The following ADGRG7 variants were observed in gnomAD, a reference collection of about 807,000 sequenced individuals.
ADGRG7 encodes G-protein coupled receptor 128.
ADGRG7 carries 82 observed loss-of-function variants against 88.6 expected under a neutral mutation model. The ratio of observed to expected loss-of-function variants is 0.93; its 90% CI spans 0.77 to 1.11. The LOEUF (loss-of-function observed/expected upper bound fraction) is 1.11. ADGRG7 is among the 50% of genes most tolerant of loss of function. The probability of loss-of-function intolerance (pLI) is 0.00; values close to 1 mark genes in which losing one functional copy is unlikely to be tolerated. For synonymous variants in ADGRG7, 381 were observed against 345.2 expected, an observed-to-expected ratio of 1.10 and a Z score of -1.15; for missense variants, 945 against 953.4, an observed-to-expected ratio of 0.99 and a Z score of 0.12.
chr3:100,647,806 T>C (rs2149026850), intron 10 of ADGRG7, among the ~76,000 whole-genome samples: 1 of 152,334 alleles, frequency 6.6e-6, no homozygotes, highest in East Asian at 1.9e-4. Context: ...GGACTATTAA[T>C]GCTATGAATC....
At chr3:100,635,394 G>A (rs1707522357) in intron 4 of ADGRG7, 1 of 306,916 alleles carries the variant, frequency 3.3e-6, no homozygotes. Flanking sequence ...AACACACAGT[G>A]AACCAGCGCT....
At chr3:100,624,501 TA>T (rs1466119383) in intron 1 of ADGRG7, among the ~76,000 whole-genome samples, 1 of 152,230 alleles carries the variant, frequency 6.6e-6, no homozygotes, top group Non-Finnish European at 1.5e-5. Flanking sequence ...TTCATTCTGA[TA>T]ACAGTTTATT....
At chr3:100,618,413 C>T (rs1437672315) in intron 1 of ADGRG7, among the ~76,000 whole-genome samples, 12 of 152,152 alleles carry the variant, frequency 7.9e-5, no homozygotes, top group East Asian at 3.8e-4. Context: ...AGCAAGGGAT[C>T]TAGTTTCAGC....
chr3:100,680,668 G>A (rs1144109), intron 15 of ADGRG7, among the ~76,000 whole-genome samples: 138,660 of 152,134 alleles, frequency 0.91, 64,180 homozygotes, highest in Non-Finnish European at 1. Flanking sequence ...TTAACTTTTC[G>A]TTGTCAACTT....
At chr3:100,643,153 T>A in intron 6 of ADGRG7, 113 bp from the exon 7 acceptor site, 1 of 946,996 alleles carries the variant, frequency 1.1e-6, no homozygotes, top group East Asian at 2.4e-5. Context: ...GTCAATGTTG[T>A]CATGACCACA....
In ADGRG7 at chr3:100,612,847, A is replaced by G. The variant is rs1267120023; in HGVS notation, c.115+2876A>G. Among the ~76,000 whole-genome samples, 3 of 152,092 alleles carry G rather than the reference A, an allele frequency of 2.0e-5. No homozygotes were observed. In the East Asian group the frequency reaches 5.8e-4, roughly 29 times the overall value. ...ATTTCAGGACGTTGAAATATTCCCA[A>G]ACCCCAAGGTCTGACTTCATAGCAT... is the stretch of plus-strand genomic sequence containing the variant. On this transcript the variant is annotated intron_variant, in intron 1 of 15. Transcript: ENST00000273352.
intron 11 of ADGRG7, among the ~76,000 whole-genome samples, chr3:100,651,485 C>G (rs2094929337): frequency 6.7e-6 from 1 of 150,166 alleles, no homozygotes; most frequent in Non-Finnish European, 1.5e-5. Context: ...TTTCCTCTTT[C>G]ATCAATATGT....
At chr3:100,616,786 A>T (rs112946501) in intron 1 of ADGRG7, among the ~76,000 whole-genome samples, 58 of 152,278 alleles carry the variant, frequency 3.8e-4, no homozygotes, top group African/African-American at 1.4e-3. Context: ...ACACCTCTGC[A>T]CTCCAACCTG....
intron 10 of ADGRG7, among the ~76,000 whole-genome samples, chr3:100,647,664 C>T (rs1206067707): frequency 6.6e-6 from 1 of 151,936 alleles, no homozygotes; most frequent in Non-Finnish European, 1.5e-5. Flanking sequence ...AGAGGGGCTT[C>T]TTCTGTATGT....
rs773003928 is a variant in ADGRG7, at chr3:100,655,046, G to A, written c.1591G>A (p.Ala531Thr). 3.1e-6 allele frequency: 5 copies of A among 1,614,082 alleles called. No homozygotes were observed. The highest frequency in any genetic ancestry group is 1.1e-5 in the South Asian group (1 of 91,076). The change falls in exon 12 of 16, where the codon GCC (alanine) becomes ACC (threonine). Residue 531 changes from alanine to threonine, a missense_variant. Transcript: ENST00000273352. ...GAATCCCATGTGCACTGCGATTGCC[G>A]CCTTACTGCACTATTTTCTGTTAGT... ...IPNPMCTAIAALLHYFLLVTF... is the reference protein window; with the variant it reads ...IPNPMCTAIATLLHYFLLVTF...
At position 100,643,570 on chromosome 3, in the gene ADGRG7, A is replaced by G; in HGVS notation, c.883A>G (p.Asn295Asp). The G allele has an allele frequency of 6.2e-7, 1 of 1,613,966 alleles. No homozygotes were observed. Among genetic ancestry groups the G allele is most frequent in the East Asian group, 2.2e-5 (1 of 44,868 alleles). Residue 295 changes from asparagine to aspartate, a missense_variant, in exon 8 of 16, where the codon AAT (asparagine) becomes GAT (aspartate). Coordinates refer to ENST00000273352, the MANE Select transcript of ADGRG7 (RefSeq NM_032787.3). The part of the protein sequence containing the change: ...LVSSSTFIHT[N>D]VDGLNPDAQT... ...TTCTAGTTCAACATTTATACATACA[A>G]ATGTGGATGGCCTTAACCCAGATGC...
At chr3:100,688,355 GT>G (rs1290023400) in intron 15 of ADGRG7, among the ~76,000 whole-genome samples, 1 of 152,030 alleles carries the variant, frequency 6.6e-6, no homozygotes, top group African/African-American at 2.4e-5. Context: ...TTTTTGAAGG[GT>G]TTTTTGTGTC....
chr3:100,681,305 CTT>C (rs1187481511), intron 15 of ADGRG7, among the ~76,000 whole-genome samples: 1 of 134,030 alleles, frequency 7.5e-6, no homozygotes, highest in African/African-American at 2.7e-5. Context: ...CTTTTCTTTT[CTT>C]TTTTTTTTTT....
chr3:100,623,407 G>T (rs1707339968), intron 1 of ADGRG7, among the ~76,000 whole-genome samples: 1 of 151,902 alleles, frequency 6.6e-6, no homozygotes, highest in Non-Finnish European at 1.5e-5. Context: ...CTAACCTTTT[G>T]TTCTACTTCA....
chr3:100,652,317 A>G (rs1341059219), intron 11 of ADGRG7, among the ~76,000 whole-genome samples: 1 of 152,172 alleles, frequency 6.6e-6, no homozygotes, highest in African/African-American at 2.4e-5. Flanking sequence ...TCATGATGAA[A>G]CATCGTAAAA....
intron 6 of ADGRG7, among the ~76,000 whole-genome samples, chr3:100,641,475 G>A (rs914389165): frequency 2.0e-5 from 3 of 152,084 alleles, no homozygotes; most frequent in South Asian, 2.1e-4. Context: ...GACAAAAAAG[G>A]AGGCAATTAA....
At chr3:100,692,343 T>A (rs2094995263) in intron 15 of ADGRG7, among the ~76,000 whole-genome samples, 1 of 152,160 alleles carries the variant, frequency 6.6e-6, no homozygotes, top group Non-Finnish European at 1.5e-5. Context: ...AAATGGAAAC[T>A]CCTAGAAGAT....
Position 100,694,789 on chromosome 3 carries a change from C to T in ADGRG7, c.2182C>T (p.Gln728Ter). ...GTACACTGTTAGAACAAAAGTCTTC[C>T]AGAGTGAAGCTTCCAAAGTGTTGAT... ...ILYTVRTKVF[Q>*]SEASKVLMLL... The change falls in exon 16 of 16, where the codon CAG (glutamine) becomes TAG (stop). Residue 728 changes from glutamine to a stop codon, truncating the protein, a stop_gained. Coordinates refer to ENST00000273352, the MANE Select transcript of ADGRG7 (RefSeq NM_032787.3). LOFTEE classifies it high-confidence loss of function. The T allele has an allele frequency of 6.2e-7, 1 of 1,614,062 alleles. No individual in the cohort carries two copies. Among genetic ancestry groups the T allele is most frequent in the Non-Finnish European group, 8.5e-7 (1 of 1,179,944 alleles).
Position 100,609,972 on chromosome 3 carries a change from G to C in ADGRG7, c.115+1G>C. 1.2e-6 allele frequency: 2 copies of C among 1,608,840 alleles called. No individual in the cohort carries two copies. The highest frequency in any genetic ancestry group is 1.7e-6 in the Non-Finnish European group (2 of 1,175,528). The stretch of plus-strand genomic sequence containing the variant: ...AGGATTGTGATCAGGATCCAAAGAG[G>C]TAATGTTGTCCTGCTATGTTTAACT... On this transcript the variant is annotated splice_donor_variant, in intron 1 of 15. Coordinates refer to ENST00000273352, the MANE Select transcript of ADGRG7 (RefSeq NM_032787.3). LOFTEE classifies it high-confidence loss of function.
Sources: allele counts gnomAD v4.1 joint callset (sites outside exome capture counted in the v4.1 genomes callset), GRCh38; gene constraint gnomAD v4.1.1; transcripts MANE v1.5; gene names NCBI Gene and HGNC (gene_info 2026-07-23, HGNC 2026-07-21).